The following NTM variants were observed in gnomAD, a reference collection of about 807,000 sequenced individuals.
NTM encodes neurotrimin, also known as IgLON family member 2.
In NTM, 13 loss-of-function variants were observed where a neutral mutation model predicts 42.1. The ratio of observed to expected loss-of-function variants is 0.31; its 90% confidence interval spans 0.20 to 0.49. The LOEUF (loss-of-function observed/expected upper bound fraction) is 0.49, where lower values mean the gene tolerates loss of function less well. Ranked by LOEUF, NTM falls within the 20% of genes least tolerant of loss-of-function variation. NTM has a pLI of 0.99. For missense variants in NTM, 373 were observed against 452.8 expected (o/e 0.82, Z 1.60); for synonymous variants, 187 against 179.2 (o/e 1.04, Z -0.35).
At chr11:131,751,159 G>A (rs1343110678) in intron 1 of NTM, among the ~76,000 whole-genome samples, 1 of 152,130 alleles carries the variant, frequency 6.6e-6, no homozygotes, top group Non-Finnish European at 1.5e-5. Context: ...TTATGGGCCA[G>A]GCAAGGTGGC....
chr11:132,122,878 C>T (rs1566221194), intron 2 of NTM, among the ~76,000 whole-genome samples: 2 of 152,184 alleles, frequency 1.3e-5, no homozygotes, highest in Middle Eastern at 3.4e-3. Flanking sequence ...TGCCTTGTCT[C>T]ACACACACTC....
chr11:132,222,190 A>C (rs2085305936), intron 4 of NTM, among the ~76,000 whole-genome samples: 1 of 152,112 alleles, frequency 6.6e-6, no homozygotes, highest in African/African-American at 2.4e-5. Context: ...CCTTGTGTGG[A>C]GGTTGGACTT....
At chr11:131,533,617 T>C (rs2051649557) in intron 1 of NTM, among the ~76,000 whole-genome samples, 1 of 152,198 alleles carries the variant, frequency 6.6e-6, no homozygotes, top group Non-Finnish European at 1.5e-5. Flanking sequence ...TGAGGTGGGC[T>C]TAGAGCATCC....
intron 1 of NTM, among the ~76,000 whole-genome samples, chr11:131,825,816 G>T (rs891441516): frequency 1.3e-5 from 2 of 152,054 alleles, no homozygotes; most frequent in South Asian, 4.1e-4. Context: ...ACTGACACAG[G>T]GCCAGACTTA....
chr11:131,802,445 C>T (rs938148612), intron 1 of NTM, among the ~76,000 whole-genome samples: 5 of 152,246 alleles, frequency 3.3e-5, no homozygotes, highest in African/African-American at 9.6e-5. Context: ...GCACCCACCA[C>T]GCTTGGGCTG....
At chr11:131,716,045 A>G (rs887799945) in intron 1 of NTM, among the ~76,000 whole-genome samples, 1 of 152,214 alleles carries the variant, frequency 6.6e-6, no homozygotes, top group African/African-American at 2.4e-5. Context: ...AAACAACAGA[A>G]GTTGTTCTCA....
At chr11:131,811,775 T>A (rs184250684) in intron 1 of NTM, among the ~76,000 whole-genome samples, 1 of 152,124 alleles carries the variant, frequency 6.6e-6, no homozygotes, top group African/African-American at 2.4e-5. Context: ...GAGGGGAAGA[T>A]AAGAGGCACA....
chr11:132,201,725 A>G (rs879820687), intron 3 of NTM, among the ~76,000 whole-genome samples: 7 of 152,242 alleles, frequency 4.6e-5, no homozygotes, highest in African/African-American at 7.2e-5. Flanking sequence ...TAATTCATTG[A>G]ACTCTGAATT....
chr11:131,888,373 C>T (rs1004825580), intron 1 of NTM, among the ~76,000 whole-genome samples: 4 of 152,116 alleles, frequency 2.6e-5, no homozygotes, highest in East Asian at 1.9e-4. Context: ...TTTCACACTG[C>T]GGAGAAATGC....
At chr11:131,479,338 C>A (rs2136224372) in intron 1 of NTM, among the ~76,000 whole-genome samples, 1 of 152,184 alleles carries the variant, frequency 6.6e-6, no homozygotes, top group South Asian at 2.1e-4. Flanking sequence ...CAGACAGAAC[C>A]ACATGTATAA....
chr11:131,658,695 C>T (rs1001555268), intron 1 of NTM, among the ~76,000 whole-genome samples: 6 of 152,148 alleles, frequency 3.9e-5, no homozygotes, highest in Non-Finnish European at 8.8e-5. Flanking sequence ...AGCGGCCGGA[C>T]GCGGTGGCTC....
chr11:131,471,007 C>T (rs1952382843), intron 1 of NTM, among the ~76,000 whole-genome samples: 1 of 152,184 alleles, frequency 6.6e-6, no homozygotes, highest in Non-Finnish European at 1.5e-5. Context: ...AGGAAACCTT[C>T]CTGCCATACA....
At chr11:131,783,956 G>GT (rs2088660762) in intron 1 of NTM, among the ~76,000 whole-genome samples, 1 of 151,998 alleles carries the variant, frequency 6.6e-6, no homozygotes, top group South Asian at 2.1e-4. Context: ...CAAATTATCC[G>GT]TTTTTTAAAA....
In NTM at chr11:131,725,902, G is replaced by A. The variant is rs146706056; in HGVS notation, c.83-185662G>A. On this transcript the variant is annotated intron_variant, in intron 1 of 8. Coordinates refer to ENST00000683400, the MANE Select transcript of NTM (RefSeq NM_001352005.2). ...AGACCACTGAGTGTTGAGGCCTCTC[G>A]CTAGATTCAGTGGGTCTAGGGTAAG... Among the ~76,000 whole-genome samples, 244 of 152,224 alleles carry A rather than the reference G, an allele frequency of 1.6e-3. 1 individual carries two copies. The highest frequency in any genetic ancestry group is 5.6e-3 in the African/African-American group (233 of 41,542).
chr11:132,153,307 C>CT (rs909191277), intron 3 of NTM, among the ~76,000 whole-genome samples: 2 of 152,168 alleles, frequency 1.3e-5, no homozygotes, highest in African/African-American at 4.8e-5. Flanking sequence ...GAATAATCAG[C>CT]TTTTTCAAGA....
intron 4 of NTM, among the ~76,000 whole-genome samples, chr11:132,251,223 G>C (rs2091905329): frequency 6.6e-6 from 1 of 152,180 alleles, no homozygotes; most frequent in Admixed American, 6.5e-5. Context: ...CACTTCAAAA[G>C]GGTGTTGGGC....
At position 131,751,773 on chromosome 11, in the gene NTM, C is replaced by A. The variant is rs11222771; in HGVS notation, c.83-159791C>A. 2.8e-3 allele frequency among the ~76,000 whole-genome samples: 397 copies of A among 143,110 alleles called. 1 individual carries two copies. Among genetic ancestry groups the A allele is most frequent in the African/African-American group, 7.9e-3 (305 of 38,368 alleles). 93.9% of individuals were successfully genotyped at this position (143,110 alleles called of 152,430 possible). ...GATTCCGTCCCCCCCTCACCCCCCC[C>A]CAAAATATATACTTATTACCATTTG... On this transcript the variant is annotated intron_variant, in intron 1 of 8. Coordinates refer to ENST00000683400, the MANE Select transcript of NTM (RefSeq NM_001352005.2).
At chr11:132,238,324 G>A (rs902550266) in intron 4 of NTM, among the ~76,000 whole-genome samples, 1 of 152,138 alleles carries the variant, frequency 6.6e-6, no homozygotes, top group Non-Finnish European at 1.5e-5. Context: ...GGAGAAGGAA[G>A]CAGGCAGAGG....
chr11:131,527,380 A>C (rs1436556354), intron 1 of NTM, among the ~76,000 whole-genome samples: 1 of 152,154 alleles, frequency 6.6e-6, no homozygotes, highest in Admixed American at 6.5e-5. Context: ...GGTGACATCT[A>C]TGATCACAGT....
Sources: allele counts gnomAD v4.1 joint callset (sites outside exome capture counted in the v4.1 genomes callset), GRCh38; gene constraint gnomAD v4.1.1; transcripts MANE v1.5; gene names NCBI Gene and HGNC (gene_info 2026-07-23, HGNC 2026-07-21).